MAGI2: variants seen among roughly 807,000 people sequenced by gnomAD.
MAGI2 encodes the protein membrane associated guanylate kinase, WW and PDZ domain containing 2, also known as membrane-associated guanylate kinase, WW and PDZ domain-containing protein 2.
A neutral mutation model predicts 133.3 loss-of-function variants in MAGI2; 35 were observed. The ratio of observed to expected loss-of-function variants is 0.26; its 90% CI spans 0.20 to 0.35. The LOEUF is 0.35. Ranked by LOEUF, MAGI2 falls within the 10% of genes least tolerant of loss-of-function variation. The probability of loss-of-function intolerance (pLI) is 1.00; values close to 1 mark genes in which losing one functional copy is unlikely to be tolerated. For synonymous variants in MAGI2, 729 were observed against 710.6 expected, an observed-to-expected ratio of 1.03 and a Z score of -0.41; for missense variants, 1,636 against 1,863.4, an observed-to-expected ratio of 0.88 and a Z score of 2.25.
At chr7:78,297,492 G>A (rs946252229) in intron 9 of MAGI2, among the ~76,000 whole-genome samples, 1 of 151,256 alleles carries the variant, frequency 6.6e-6, no homozygotes, top group African/African-American at 2.4e-5. Context: ...TATACCCAAA[G>A]GACTATAAAT....
intron 9 of MAGI2, among the ~76,000 whole-genome samples, chr7:78,277,406 A>G (rs188427789): frequency 1.0e-3 from 156 of 152,300 alleles, no homozygotes; most frequent in Non-Finnish European, 1.9e-3. Context: ...TTTCTCATTT[A>G]TCTAGGGGGC....
intron 3 of MAGI2, among the ~76,000 whole-genome samples, chr7:78,588,984 TC>T (rs1464767919): frequency 6.6e-6 from 1 of 152,180 alleles, no homozygotes; most frequent in Non-Finnish European, 1.5e-5. Context: ...TTCCCAAGCT[TC>T]TTAACTATCA....
At chr7:78,810,973 CTT>C (rs1788993369) in intron 2 of MAGI2, among the ~76,000 whole-genome samples, 1 of 151,884 alleles carries the variant, frequency 6.6e-6, no homozygotes, top group Non-Finnish European at 1.5e-5. Flanking sequence ...TTTAAACAAA[CTT>C]TTTATTTTTG....
chr7:78,696,627 A>G (rs1263850412), intron 2 of MAGI2, among the ~76,000 whole-genome samples: 3 of 152,180 alleles, frequency 2.0e-5, no homozygotes, highest in Admixed American at 6.5e-5. Context: ...ACATTTTAAC[A>G]AAAAGTAACA....
chr7:78,546,897 C>A (rs1198433505), intron 3 of MAGI2, among the ~76,000 whole-genome samples: 1 of 152,164 alleles, frequency 6.6e-6, no homozygotes, highest in Non-Finnish European at 1.5e-5. Context: ...TTTTGCATAG[C>A]ACTCAACTTT....
At chr7:79,228,616 A>G (rs1831084355) in intron 1 of MAGI2, among the ~76,000 whole-genome samples, 2 of 152,086 alleles carry the variant, frequency 1.3e-5, no homozygotes, top group Admixed American at 6.6e-5. Context: ...TCCAACAATG[A>G]AAACTAAGAA....
chr7:79,227,929 T>C (rs926221745), intron 1 of MAGI2, among the ~76,000 whole-genome samples: 3 of 152,174 alleles, frequency 2.0e-5, no homozygotes, highest in Admixed American at 6.6e-5. Flanking sequence ...CTCTATGAAA[T>C]GATATCATAT....
rs145789377 is a variant in MAGI2 at position 79,102,393 on chromosome 7, T to G, written c.302-95187A>C. ...TGCCTAAATCAAACGGTAAGCAAATTCTAGATCTTTTATTTCACTAAGCTC... is the reference window on the plus strand; with the variant it reads ...TGCCTAAATCAAACGGTAAGCAAATGCTAGATCTTTTATTTCACTAAGCTC... On this transcript the variant is annotated intron_variant, in intron 1 of 21. Transcript: ENST00000354212. 2.5e-3 allele frequency among the ~76,000 whole-genome samples: 381 copies of G among 152,312 alleles called. 3 individuals are homozygous for G. The highest frequency in any genetic ancestry group is 8.3e-3 in the African/African-American group (345 of 41,572).
intron 2 of MAGI2, among the ~76,000 whole-genome samples, chr7:78,996,439 T>G (rs916878861): frequency 6.6e-6 from 1 of 152,124 alleles, no homozygotes; most frequent in Admixed American, 6.5e-5. Context: ...TTCTCACTTA[T>G]AAGTGGGAAC....
intron 1 of MAGI2, among the ~76,000 whole-genome samples, chr7:79,391,257 G>T (rs984859538): frequency 2.0e-5 from 3 of 151,656 alleles, no homozygotes; most frequent in African/African-American, 7.3e-5. Flanking sequence ...GGGAAAGCTG[G>T]TTTAATAAAA....
chr7:79,298,716 G>A (rs1009393414), intron 1 of MAGI2, among the ~76,000 whole-genome samples: 1 of 152,166 alleles, frequency 6.6e-6, no homozygotes, highest in Non-Finnish European at 1.5e-5. Context: ...TAATGTGACC[G>A]TATTTGGAAC....
At chr7:79,014,967 C>A (rs562012795) in intron 1 of MAGI2, among the ~76,000 whole-genome samples, 93 of 152,166 alleles carry the variant, frequency 6.1e-4, no homozygotes, top group Non-Finnish European at 8.2e-4. Context: ...AATGCATCCA[C>A]ATTAATAAAA....
At chr7:79,373,341 T>C (rs1480997222) in intron 1 of MAGI2, among the ~76,000 whole-genome samples, 1 of 152,006 alleles carries the variant, frequency 6.6e-6, no homozygotes, top group Admixed American at 6.6e-5. Flanking sequence ...AGAAATCAAA[T>C]GGATAAGGTG....
chr7:78,476,739 A>G (rs534977319), intron 6 of MAGI2, among the ~76,000 whole-genome samples: 16 of 152,076 alleles, frequency 1.1e-4, no homozygotes, highest in African/African-American at 3.9e-4. Flanking sequence ...CCTGGTAGAT[A>G]TGGGTCTTTA....
chr7:78,833,079 A>G (rs12705807), intron 2 of MAGI2, among the ~76,000 whole-genome samples: 150,535 of 152,282 alleles, frequency 0.99, 74,410 homozygotes, highest in Non-Finnish European at 1. Flanking sequence ...CTAGCTTCAC[A>G]TCATGTTTCT....
intron 1 of MAGI2, among the ~76,000 whole-genome samples, chr7:79,312,738 G>A (rs1838384944): frequency 6.6e-6 from 1 of 152,158 alleles, no homozygotes; most frequent in African/African-American, 2.4e-5. Flanking sequence ...GTTCTTGAAA[G>A]ATGGATGAAT....
chr7:78,417,097 T>C (rs1798371617), intron 6 of MAGI2, among the ~76,000 whole-genome samples: 1 of 152,078 alleles, frequency 6.6e-6, no homozygotes, highest in Non-Finnish European at 1.5e-5. Context: ...GATCAGGAAG[T>C]ATAAATCCAT....
chr7:78,660,016 G>A (rs191647375), intron 2 of MAGI2, among the ~76,000 whole-genome samples: 17 of 151,614 alleles, frequency 1.1e-4, no homozygotes, highest in Non-Finnish European at 2.2e-4. Context: ...GCAAACTATT[G>A]CAAGGACAAA....
At chr7:79,114,373 G>A (rs1819210895) in intron 1 of MAGI2, among the ~76,000 whole-genome samples, 2 of 152,186 alleles carry the variant, frequency 1.3e-5, no homozygotes, top group African/African-American at 4.8e-5. Context: ...AAGAGTCAGG[G>A]TGGTAGATGT....
Sources: allele counts gnomAD v4.1 joint callset (sites outside exome capture counted in the v4.1 genomes callset), GRCh38; gene constraint gnomAD v4.1.1; transcripts MANE v1.5; gene names NCBI Gene and HGNC (gene_info 2026-07-23, HGNC 2026-07-21).